Variants in PKD1 observed in about 807,000 individuals in gnomAD.
PKD1 encodes polycystin 1, transient receptor potential channel interacting, also known as polycystin-1.
Under a neutral mutation model 361.7 loss-of-function variants are expected in PKD1, and 81 were observed. The ratio of observed to expected loss-of-function variants is 0.22; its 90% CI spans 0.19 to 0.27. The LOEUF (loss-of-function observed/expected upper bound fraction) is 0.27. Ranked by LOEUF, PKD1 falls within the 10% of genes least tolerant of loss-of-function variation. The probability of loss-of-function intolerance (pLI) is 1.00; values close to 1 mark genes in which losing one functional copy is unlikely to be tolerated. For missense variants in PKD1, 6,399 were observed against 6,118.3 expected, an observed-to-expected ratio of 1.05 and a Z score of -1.53; for synonymous variants, 3,615 against 2,818.3, an observed-to-expected ratio of 1.28 and a Z score of -8.95.
rs145532417 is a variant in PKD1, at chr16:2,103,368, C to T, written c.8689G>A (p.Val2897Ile). Residue 2897 changes from valine to isoleucine, a missense_variant, in exon 23 of 46, where the codon GTT becomes ATT. Val to Ile is a conservative substitution (Grantham distance 29, BLOSUM62 3). Coordinates refer to ENST00000262304, the MANE Select transcript of PKD1 (RefSeq NM_001009944.3). Reference sequence around the variant, plus strand: ...ACGGAGGCCTGGGGCTGGACCACAACGGAGTTGGCGGAGTTGGCGGAGCTG... The same window carrying T: ...ACGGAGGCCTGGGGCTGGACCACAATGGAGTTGGCGGAGTTGGCGGAGCTG... ...HRSSANSANSVVVQPQASVGA... is the reference protein window; with the variant it reads ...HRSSANSANSIVVQPQASVGA... 2.5e-4 allele frequency: 395 copies of T among 1,601,146 alleles called. No individual in the cohort carries two copies. Among genetic ancestry groups the T allele is most frequent in the Middle Eastern group, 1.6e-3 (7 of 4,428 alleles).
chr16:2,100,509 C>T lies in PKD1; in HGVS notation c.9455G>A (p.Arg3152Gln). ...LYGVDSRSGH[R>Q]HLDGDRAFHR... ...GAAGGCTCTGTCGCCGTCCAGGTGCCGGTGGCCGCTCCGGCTGTCCACCCC... is the reference window on the plus strand; with the variant it reads ...GAAGGCTCTGTCGCCGTCCAGGTGCTGGTGGCCGCTCCGGCTGTCCACCCC... The change falls in exon 27 of 46, where the codon CGG becomes CAG. Residue 3152 changes from arginine (R) to glutamine (Q), a missense_variant. Coordinates refer to ENST00000262304, the MANE Select transcript of PKD1 (RefSeq NM_001009944.3). This position sits in a 1 kb window ranked among gnomAD's most constrained non-coding sequence, Gnocchi z 4.4. 3.7e-6 allele frequency: 6 copies of T among 1,610,658 alleles called. No homozygotes were observed. Among genetic ancestry groups the T allele is most frequent in the South Asian group, 1.1e-5 (1 of 90,988 alleles).
Position 2,114,182 on chromosome 16 carries a change from C to A in PKD1, c.2841G>T (p.Gln947His), listed in dbSNP as rs775605376. The change falls in exon 11 of 46, where the codon CAG (glutamine) becomes CAT (histidine). Residue 947 changes from glutamine (Q) to histidine (H), a missense_variant. Physicochemically the swap from Gln to His is conservative, Grantham distance 24. Transcript: ENST00000262304. ...CGGCCATACTCACCACTAGGACTCC[C>A]TGCAGTACACGGGCCTCGGGGCTGG... ...ATPSPEARVL[Q>H]GVLVRYSPVV... 1 of 1,606,856 alleles carries A rather than the reference C, an allele frequency of 6.2e-7. No individual in the cohort carries two copies. The highest frequency in any genetic ancestry group is 8.5e-7 in the Non-Finnish European group (1 of 1,179,546).
chr16:2,090,964 T>C lies in PKD1; in HGVS notation c.11923A>G (p.Thr3975Ala), dbSNP rs1286679392. 4 of 1,549,578 alleles carry C rather than the reference T, an allele frequency of 2.6e-6. No homozygotes were observed. Among genetic ancestry groups the C allele is most frequent in the Non-Finnish European group, 3.5e-6 (4 of 1,153,958 alleles). ...RFVRGRPRRFTSFDQVAQLSS... is the reference protein window; with the variant it reads ...RFVRGRPRRFASFDQVAQLSS... ...AGCTGCGCCACCTGGTCGAAGCTAG[T>C]GAAGCGGCGCGGGCGGCCGCGCACG... The change falls in exon 43 of 46, where the codon ACT (threonine) becomes GCT (alanine). Residue 3975 changes from threonine (T) to alanine (A), a missense_variant. Physicochemically the swap from Thr to Ala is moderately conservative, Grantham distance 58. Coordinates refer to ENST00000262304, the MANE Select transcript of PKD1 (RefSeq NM_001009944.3).
At position 2,092,094 on chromosome 16, in the gene PKD1, A is replaced by T; in HGVS notation, c.11364T>A (p.Pro3788=). ...AGGCCCACGTCCCCGAGCCATTGTG[A>T]GGACTCTCCCAGCCAACGTCGTAAT... ...TSDYDVGWES[P]HNGSGTWAYS... The change falls in exon 40 of 46, where the codon CCT becomes CCA. Residue 3788 remains proline (P), a synonymous_variant. Transcript: ENST00000262304. The T allele has an allele frequency of 6.2e-7, 1 of 1,612,844 alleles. No homozygotes were observed. Among genetic ancestry groups the T allele is most frequent in the Non-Finnish European group, 8.5e-7 (1 of 1,179,984 alleles).
At chr16:2,104,722 C>A in intron 21 of PKD1, 80 bp from the exon 22 acceptor site, 1 of 789,514 alleles carries the variant, frequency 1.3e-6, no homozygotes, top group South Asian at 1.5e-5. Context: ...GGGTCCTCAC[C>A]TGGCTCCCAC....
In PKD1 at chr16:2,106,336, G is replaced by A. The variant is rs953718416; in HGVS notation, c.7490-32C>T. The A allele has an allele frequency of 1.2e-5, 19 of 1,602,868 alleles. No homozygotes were observed. In the East Asian group the frequency reaches 1.3e-4, roughly 11 times the overall value. On this transcript the variant is annotated intron_variant, in intron 18 of 45. Transcript: ENST00000262304. This position sits in a 1 kb window ranked among gnomAD's most constrained non-coding sequence, Gnocchi z 6.5. ...GACGGTCCCCACGGCATCACGGGAG[G>A]GCTCCGTGACGTCACAGAGTCGGGG...
chr16:2,091,336 G>A (rs1274453696), intron 42 of PKD1, 87 bp downstream of exon 42: 2 of 647,380 alleles, frequency 3.1e-6, no homozygotes, highest in Admixed American at 6.1e-5. Context: ...GGCGCTGCGA[G>A]GGGTGAGACG....
In PKD1 at chr16:2,115,389, C is replaced by A. The variant is rs772014211; in HGVS notation, c.2086G>T (p.Ala696Ser). Residue 696 changes from alanine (A) to serine (S), a missense_variant, in exon 10 of 46, where the codon GCG (alanine) becomes TCG (serine). Transcript: ENST00000262304. ...TCAGGGCCACACACCGAGTACTGCG[C>A]GGGGGGCCCCGCGGGAACGGAGAAG... The part of the protein sequence containing the change: ...FLFSVPAGPP[A>S]QYSVTLHGQD... 2.6e-6 allele frequency: 4 copies of A among 1,551,292 alleles called. No individual in the cohort carries two copies. The highest frequency in any genetic ancestry group is 1.9e-5 in the Admixed American group (1 of 53,028).
In PKD1 at chr16:2,103,453, T is replaced by G. The variant is rs779341347; in HGVS notation, c.8604A>C (p.Ser2868=). The change falls in exon 23 of 46, where the codon TCA becomes TCC. Residue 2868 remains serine, a synonymous_variant. Transcript: ENST00000262304. The stretch of plus-strand genomic sequence containing the variant: ...GCACCTTCACGGTGATGGCGCGCTC[T>G]GAGGCCAGCCGCTCGATGGGGATCT... ...GAQIPIERLA[S]ERAITVKVPN... The G allele has an allele frequency of 1.3e-5, 20 of 1,599,754 alleles. No homozygotes were observed. The African/African-American group carries it at 2.7e-4, about 21-fold the overall frequency.
intron 43 of PKD1, 24 bp downstream of exon 43, chr16:2,090,860 C>A: frequency 1.2e-6 from 2 of 1,607,882 alleles, no homozygotes; most frequent in Non-Finnish European, 8.5e-7. Flanking sequence ...CGCCCAGCCC[C>A]GCGCCCACCG....
intron 41 of PKD1, 25 bp from the exon 42 acceptor site, chr16:2,091,622 G>T: frequency 6.4e-7 from 1 of 1,562,220 alleles, no homozygotes; most frequent in Non-Finnish European, 8.6e-7. Context: ...CGGGTCAGTA[G>T]GAGCGGGTGG....
rs564598290 is a variant in PKD1, at chr16:2,109,596, C to T, written c.5571G>A (p.Pro1857=). The T allele has an allele frequency of 5.9e-5, 95 of 1,610,942 alleles. No homozygotes were observed. Among genetic ancestry groups the T allele is most frequent in the Non-Finnish European group, 7.8e-5 (92 of 1,179,302 alleles). ...GCCGGATGGAGAAGGTGCCAGCATC[C>T]GGGAAGACCATGGTGACATGAGGGC... is the stretch of plus-strand genomic sequence containing the variant. The part of the protein sequence containing the change: ...KRGPHVTMVF[P]DAGTFSIRLN... Residue 1857 remains proline, a synonymous_variant, in exon 15 of 46, where the codon CCG becomes CCA. Transcript: ENST00000262304.
intron 20 of PKD1, 81 bp from the exon 21 acceptor site, chr16:2,105,555 G>A (rs2092308757): frequency 1.3e-6 from 2 of 1,594,866 alleles, no homozygotes; most frequent in African/African-American, 2.7e-5. Flanking sequence ...CGACTCCCGG[G>A]GTGCAGTTAC....
At position 2,105,888 on chromosome 16, in the gene PKD1, CCAA is replaced by C; in HGVS notation, c.7837_7839del (p.Leu2613del). The C allele has an allele frequency of 6.3e-7, 1 of 1,596,256 alleles. No individual in the cohort carries two copies. The highest frequency in any genetic ancestry group is 1.3e-5 in the African/African-American group (1 of 74,966). On this transcript the variant is annotated inframe_deletion, in exon 20 of 46. Transcript: ENST00000262304. Reference sequence around the variant, plus strand: ...ACCTCGTTCAGCACGGTGACCAGGGCCAACGAGTACTCGATGACGTGCTGGGGA... The same window carrying C: ...ACCTCGTTCAGCACGGTGACCAGGGCCGAGTACTCGATGACGTGCTGGGGA...
chr16:2,092,651 G>A, intron 38 of PKD1, 59 bp from the exon 39 acceptor site: 1 of 1,220,030 alleles, frequency 8.2e-7, no homozygotes, highest in Non-Finnish European at 1.2e-6. Context: ...CCTCGAGTGA[G>A]CGGCCACCAG....
chr16:2,100,036 C>T lies in PKD1; in HGVS notation c.9748G>A (p.Val3250Met), dbSNP rs778615597. 1.3e-6 allele frequency: 2 copies of T among 1,583,966 alleles called. No individual in the cohort carries two copies. Among genetic ancestry groups the T allele is most frequent in the East Asian group, 2.3e-5 (1 of 43,194 alleles). Residue 3250 changes from valine to methionine, a missense_variant, in exon 29 of 46, where the codon GTG becomes ATG. Val to Met is a conservative substitution (Grantham distance 21, BLOSUM62 1). Coordinates refer to ENST00000262304, the MANE Select transcript of PKD1 (RefSeq NM_001009944.3). The surrounding 1 kb of genome is among the most constrained non-coding windows in gnomAD (Gnocchi z 4.4). The part of the protein sequence containing the change: ...AALLRFRRLL[V>M]AELQRGFFDK... ...AAGAAGCCACGCTGCAGCTCAGCCA[C>T]CAGCAGGCGCCGGAAGCGCAAAAGG...
At chr16:2,091,309 ACGCTGCGAGGG>A (rs2091544536) in intron 42 of PKD1, 103 bp downstream of exon 42, 1 of 276,484 alleles carries the variant, frequency 3.6e-6, no homozygotes, top group South Asian at 1.5e-4. Flanking sequence ...AGGGGGCGGG[ACGCTGCGAGGG>A]GGCGGGGCGC....
intron 34 of PKD1, among the ~76,000 whole-genome samples, chr16:2,094,487 C>T (rs989738395): frequency 1.6e-4 from 24 of 152,316 alleles, no homozygotes; most frequent in African/African-American, 5.8e-4. Flanking sequence ...ACCAGCTGCC[C>T]TTACAGCAGT....
At chr16:2,134,696 T>G (rs991816156) in intron 1 of PKD1, among the ~76,000 whole-genome samples, 4 of 148,466 alleles carry the variant, frequency 2.7e-5, no homozygotes, top group Non-Finnish European at 6.0e-5. Flanking sequence ...TCCCTATGCC[T>G]CGGATGGTCA....
Sources: gnomAD v4.1 joint callset for allele counts (sites outside exome capture counted in the v4.1 genomes callset) on GRCh38, gnomAD v4.1.1 for gene constraint, Gnocchi (gnomAD v3.1) non-coding constraint, MANE v1.5 for transcripts, NCBI Gene and HGNC (gene_info 2026-07-23, HGNC 2026-07-21) for gene names.